The following INSR variants were observed in gnomAD, a reference collection of about 807,000 sequenced individuals.
INSR encodes the protein IR.
A neutral mutation model predicts 142.6 loss-of-function variants in INSR; 67 were observed. The ratio of observed to expected loss-of-function variants is 0.47; its 90% CI spans 0.39 to 0.58. INSR has a LOEUF of 0.58. INSR is among the 20% of genes least tolerant of loss of function. The pLI, the probability that INSR is intolerant of heterozygous loss-of-function variation, is 0.00. For missense variants in INSR, 1,248 were observed against 1,833.2 expected, an observed-to-expected ratio of 0.68 and a Z score of 5.83; for synonymous variants, 756 against 743.1, an observed-to-expected ratio of 1.02 and a Z score of -0.28.
intron 18 of INSR, 25 bp downstream of exon 18, chr19:7,122,854 C>T (rs763053805): frequency 1.1e-5 from 18 of 1,609,642 alleles, no homozygotes; most frequent in African/African-American, 6.7e-5. Context: ...CCGAGTACCC[C>T]GCTGGGTCCC....
chr19:7,158,289 A>G (rs1973655354), intron 9 of INSR, among the ~76,000 whole-genome samples: 1 of 151,990 alleles, frequency 6.6e-6, no homozygotes, highest in Admixed American at 6.6e-5. Flanking sequence ...TCACGAGGTC[A>G]GGAGATCGAG....
At chr19:7,188,879 A>AG (rs1415163691) in intron 2 of INSR, among the ~76,000 whole-genome samples, 3 of 151,658 alleles carry the variant, frequency 2.0e-5, no homozygotes, top group Non-Finnish European at 2.9e-5. Flanking sequence ...TCAAAAAAAA[A>AG]AAAAAAAAAA....
intron 1 of INSR, among the ~76,000 whole-genome samples, chr19:7,284,410 G>A (rs1448793617): frequency 1.3e-5 from 2 of 152,116 alleles, no homozygotes; most frequent in African/African-American, 4.8e-5. Flanking sequence ...CCTTAGCCAA[G>A]GAAGAGTAGA....
At position 7,148,477 on chromosome 19, in the gene INSR, C is replaced by CTTTTTTTTTTTTTTT. The variant is rs71177160; in HGVS notation, c.2267+2005_2267+2019dup. Among the ~76,000 whole-genome samples the CTTTTTTTTTTTTTTT allele has an allele frequency of 3.6e-4, 34 of 95,044 alleles. 8 individuals carry two copies. The highest frequency in any genetic ancestry group is 1.1e-3 in the African/African-American group (25 of 22,098). The allele number at this position is 95,044 out of a possible 152,430, so 62.4% of individuals were successfully genotyped here. ...TTATTATTAGTATTATGTATTTATT[C>CTTTTTTTTTTTTTTT]TTTTTTTTTTTTTTTTTTGAGACAG... On this transcript the variant is annotated intron_variant, in intron 11 of 21. Coordinates refer to ENST00000302850, the MANE Select transcript of INSR (RefSeq NM_000208.4).
chr19:7,156,794 T>C (rs1198276262), intron 9 of INSR, among the ~76,000 whole-genome samples: 3 of 139,892 alleles, frequency 2.1e-5, no homozygotes, highest in Non-Finnish European at 4.7e-5. Flanking sequence ...TTTTTTTTTT[T>C]TTTTTTTTTT....
chr19:7,257,763 T>C (rs1460594337), intron 2 of INSR, among the ~76,000 whole-genome samples: 3 of 152,138 alleles, frequency 2.0e-5, no homozygotes, highest in Admixed American at 2.0e-4. Context: ...AGCTGGGCTG[T>C]ATGGCCTCAG....
chr19:7,293,878 C>T lies in INSR; in HGVS notation c.14G>A (p.Gly5Asp), dbSNP rs886054690. 3 of 1,233,892 alleles carry T rather than the reference C, an allele frequency of 2.4e-6. No homozygotes were observed. Among genetic ancestry groups the T allele is most frequent in the Admixed American group, 4.4e-5 (1 of 22,492 alleles). 76.4% of individuals were successfully genotyped at this position (1,233,892 alleles called of 1,614,324 possible). A position where few individuals can be genotyped will look rare whatever the true frequency, so the allele number is the denominator to read the frequency against. Residue 5 changes from glycine to aspartate, a missense_variant, in exon 1 of 22, where the codon GGC becomes GAC. Around this residue, in one of 3 missense-constraint regions of INSR, gnomAD observed 57 missense variants for 49.5 expected, o/e 1.15. Transcript: ENST00000302850. MATG[G>D]RRGAAAAPLL... ...CGGCGCGGCCGCCGCCCCCCGCCGGCCCCCGGTGGCCATGGCTGCGGGAGC... is the reference window on the plus strand; with the variant it reads ...CGGCGCGGCCGCCGCCCCCCGCCGGTCCCCGGTGGCCATGGCTGCGGGAGC...
intron 2 of INSR, among the ~76,000 whole-genome samples, chr19:7,193,874 A>G (rs1974666043): frequency 6.6e-6 from 1 of 151,962 alleles, no homozygotes; most frequent in South Asian, 2.1e-4. Context: ...ATATGTATAT[A>G]TACATTTGGT....
chr19:7,182,925 A>G (rs114074298), intron 3 of INSR, among the ~76,000 whole-genome samples: 1,919 of 151,310 alleles, frequency 0.013, 20 homozygotes, highest in Middle Eastern at 0.048. Flanking sequence ...AAAAAAAAAA[A>G]CCTAAAACAA....
chr19:7,218,767 C>G (rs1600042813), intron 2 of INSR, among the ~76,000 whole-genome samples: 2 of 152,192 alleles, frequency 1.3e-5, no homozygotes, highest in East Asian at 3.8e-4. Flanking sequence ...TGGTCTCCAA[C>G]TCCTGACCCC....
intron 3 of INSR, among the ~76,000 whole-genome samples, chr19:7,180,529 C>CAAAAAAAAAAAAAAA (rs57184012): frequency 1.1e-5 from 1 of 91,910 alleles, no homozygotes. Context: ...GACCTTGTCT[C>CAAAAAAAAAAAAAAA]AAAAAAAAAA....
At chr19:7,218,491 G>C (rs1408736284) in intron 2 of INSR, among the ~76,000 whole-genome samples, 1 of 151,932 alleles carries the variant, frequency 6.6e-6, no homozygotes, top group Non-Finnish European at 1.5e-5. Context: ...CTTGTTTTTT[G>C]TTTTGTTGGT....
rs1268268182 is a variant in INSR, at chr19:7,168,060, C to A, written c.1518G>T (p.Arg506=). ...TCAGCAAGATCTTGTCAAAAGATGT[C>A]CGAATGTAAGAAAATTTAAGTAACT... ...ENELLKFSYI[R]TSFDKILLRW... The change falls in exon 7 of 22, where the codon CGG becomes CGT. Residue 506 remains arginine, a synonymous_variant. Coordinates refer to ENST00000302850, the MANE Select transcript of INSR (RefSeq NM_000208.4). The surrounding 1 kb of genome is among the most constrained non-coding windows in gnomAD (Gnocchi z 4.3). 2 of 1,613,914 alleles carry A rather than the reference C, an allele frequency of 1.2e-6. No individual in the cohort carries two copies. Among genetic ancestry groups the A allele is most frequent in the Admixed American group, 3.3e-5 (2 of 59,984 alleles).
intron 2 of INSR, 126 bp from the exon 3 acceptor site, chr19:7,184,763 C>T: frequency 1.5e-6 from 1 of 650,730 alleles, no homozygotes. Context: ...ACAGTGAAAG[C>T]CAACCAAACA....
At chr19:7,208,620 A>T (rs1401904267) in intron 2 of INSR, among the ~76,000 whole-genome samples, 1 of 152,220 alleles carries the variant, frequency 6.6e-6, no homozygotes, top group African/African-American at 2.4e-5. Context: ...CTGTAATCCC[A>T]GCACTTTGGG....
At position 7,216,736 on chromosome 19, in the gene INSR, C is replaced by T. The variant is rs1448413063; in HGVS notation, c.653-32099G>A. ...GACCCGCCCAGAGGGGGTTTCCAGG[C>T]CCAGGTGCTGGGTTTCTCACCGTAT... On this transcript the variant is annotated intron_variant, in intron 2 of 21. Coordinates refer to ENST00000302850, the MANE Select transcript of INSR (RefSeq NM_000208.4). This position sits in a 1 kb window ranked among gnomAD's most constrained non-coding sequence, Gnocchi z 4.2. 6.6e-6 allele frequency among the ~76,000 whole-genome samples: 1 copy of T among 152,176 alleles called. No homozygotes were observed. Among genetic ancestry groups the T allele is most frequent in the African/African-American group, 2.4e-5 (1 of 41,442 alleles).
At chr19:7,179,015 A>T (rs1278061400) in intron 3 of INSR, among the ~76,000 whole-genome samples, 3 of 152,162 alleles carry the variant, frequency 2.0e-5, no homozygotes, top group African/African-American at 7.2e-5. Context: ...GGCTCAAGCG[A>T]TCCTCCTGCT....
intron 1 of INSR, among the ~76,000 whole-genome samples, chr19:7,276,235 T>A (rs1200649933): frequency 6.6e-6 from 1 of 151,568 alleles, no homozygotes; most frequent in African/African-American, 2.4e-5. Context: ...AGCCTCAAAT[T>A]CCTGGGCTCA....
chr19:7,134,072 G>T (rs1168764498), intron 13 of INSR, among the ~76,000 whole-genome samples: 1 of 151,796 alleles, frequency 6.6e-6, no homozygotes, highest in Non-Finnish European at 1.5e-5. Context: ...ACAGCTACTT[G>T]GGAGGCTGAG....
Sources: gnomAD v4.1 joint callset for allele counts (sites outside exome capture counted in the v4.1 genomes callset) on GRCh38, gnomAD v4.1.1 for gene constraint, gnomAD v4.1.1 regional missense constraint, Gnocchi (gnomAD v3.1) non-coding constraint, MANE v1.5 for transcripts, NCBI Gene and HGNC (gene_info 2026-07-23, HGNC 2026-07-21) for gene names.